The following NBEA variants were observed in gnomAD, a reference collection of about 807,000 sequenced individuals.
NBEA encodes the protein lysosomal-trafficking regulator 2.
In NBEA, 44 loss-of-function variants were observed where a neutral mutation model predicts 343.4. The observed-to-expected ratio is 0.13, with a 90% confidence interval of 0.10 to 0.16. The LOEUF is 0.16. NBEA is among the 10% of genes least tolerant of loss of function. NBEA has a pLI of 1.00. For synonymous variants in NBEA, 1,175 were observed against 1,238.7 expected, an observed-to-expected ratio of 0.95 and a Z score of 1.08; for missense variants, 2,555 against 3,631.3, an observed-to-expected ratio of 0.70 and a Z score of 7.62.
chr13:35,637,455 A>G (rs557893643), intron 49 of NBEA, among the ~76,000 whole-genome samples: 1 of 152,272 alleles, frequency 6.6e-6, no homozygotes, highest in South Asian at 2.1e-4. Context: ...CCGGATATAT[A>G]TCCAAAAGAA....
chr13:35,318,135 A>G (rs566988376), intron 36 of NBEA, among the ~76,000 whole-genome samples: 7 of 152,242 alleles, frequency 4.6e-5, no homozygotes, highest in South Asian at 2.1e-4. Context: ...TTCTGATACT[A>G]TGTTGAAGAG....
At chr13:35,232,900 T>C (rs1379657236) in intron 34 of NBEA, among the ~76,000 whole-genome samples, 1 of 152,084 alleles carries the variant, frequency 6.6e-6, no homozygotes, top group Non-Finnish European at 1.5e-5. Flanking sequence ...GGCTGATGTA[T>C]ATCCTGTCAT....
intron 34 of NBEA, among the ~76,000 whole-genome samples, chr13:35,238,570 A>G (rs1229543637): frequency 1.3e-5 from 2 of 152,128 alleles, no homozygotes; most frequent in African/African-American, 4.8e-5. Flanking sequence ...ATCAACAGAG[A>G]ATCTGAATGG....
chr13:35,138,406 T>A (rs1199977494), intron 17 of NBEA, among the ~76,000 whole-genome samples: 1 of 151,886 alleles, frequency 6.6e-6, no homozygotes, highest in Non-Finnish European at 1.5e-5. Flanking sequence ...TAGAAAAAAA[T>A]TGGAAATTAC....
chr13:35,173,693 G>A (rs2070652258), intron 27 of NBEA, 99 bp downstream of exon 27: 1 of 1,181,560 alleles, frequency 8.5e-7, no homozygotes, highest in African/African-American at 1.5e-5. Context: ...CAGTGATAGA[G>A]AGCAAGGACA....
At chr13:35,235,195 A>G (rs1315031423) in intron 34 of NBEA, among the ~76,000 whole-genome samples, 1 of 152,028 alleles carries the variant, frequency 6.6e-6, no homozygotes, top group Non-Finnish European at 1.5e-5. Context: ...TTTGCTTTTA[A>G]TTCTTTTGAT....
At chr13:34,946,603 T>C (rs2059191631) in intron 1 of NBEA, among the ~76,000 whole-genome samples, 1 of 151,724 alleles carries the variant, frequency 6.6e-6, no homozygotes, top group South Asian at 2.1e-4. Flanking sequence ...TTCATGAAAT[T>C]TTTTCATGAA....
chr13:35,013,948 T>C (rs1313617947), intron 1 of NBEA, among the ~76,000 whole-genome samples: 2 of 152,200 alleles, frequency 1.3e-5, no homozygotes, highest in Non-Finnish European at 2.9e-5. Flanking sequence ...ATAATTTCTT[T>C]TTATTTACTC....
intron 10 of NBEA, among the ~76,000 whole-genome samples, chr13:35,087,301 A>G (rs192436032): frequency 2.7e-4 from 41 of 151,986 alleles, no homozygotes; most frequent in Admixed American, 2.2e-3. Context: ...TTTCATGTCT[A>G]TATTTAAAAA....
intron 1 of NBEA, among the ~76,000 whole-genome samples, chr13:34,946,816 A>G (rs186182398): frequency 5.7e-4 from 85 of 148,612 alleles, no homozygotes; most frequent in Middle Eastern, 7.0e-3. Flanking sequence ...CTTATGGATC[A>G]TGGTATTTTT....
chr13:35,250,158 C>T (rs753313330), intron 34 of NBEA, among the ~76,000 whole-genome samples: 8 of 152,096 alleles, frequency 5.3e-5, no homozygotes, highest in Non-Finnish European at 8.8e-5. Flanking sequence ...ATATATTTAA[C>T]ACTACTGAAC....
chr13:35,591,639 A>G (rs1346627708), intron 46 of NBEA, among the ~76,000 whole-genome samples: 1 of 152,036 alleles, frequency 6.6e-6, no homozygotes, highest in African/African-American at 2.4e-5. Flanking sequence ...ACATATTACA[A>G]GTTTACAAAA....
chr13:35,148,104 C>T (rs1289693008), intron 18 of NBEA, among the ~76,000 whole-genome samples: 1 of 152,130 alleles, frequency 6.6e-6, no homozygotes, highest in East Asian at 1.9e-4. Context: ...TTTCCAAACA[C>T]TGGTGGGACC....
intron 22 of NBEA, 33 bp from the exon 23 acceptor site, chr13:35,161,717 T>A: frequency 6.5e-7 from 1 of 1,531,848 alleles, no homozygotes; most frequent in South Asian, 1.2e-5. Flanking sequence ...ATTTCTTTTG[T>A]ATTCCACAAA....
intron 2 of NBEA, 130 bp downstream of exon 2, chr13:35,041,294 A>T: frequency 1.2e-6 from 1 of 813,780 alleles, no homozygotes; most frequent in East Asian, 2.7e-5. Flanking sequence ...AATGTGTGGA[A>T]ATTTTACTTT....
chr13:35,430,588 A>C (rs2152929933), intron 38 of NBEA, among the ~76,000 whole-genome samples: 1 of 152,178 alleles, frequency 6.6e-6, no homozygotes. Context: ...AGGTCTTCAG[A>C]GTCTTCTTAT....
chr13:34,945,773 C>G (rs1325359788), intron 1 of NBEA, among the ~76,000 whole-genome samples: 1 of 151,988 alleles, frequency 6.6e-6, no homozygotes, highest in Non-Finnish European at 1.5e-5. Flanking sequence ...TTTATTTTTT[C>G]TTCCTATGTA....
intron 36 of NBEA, among the ~76,000 whole-genome samples, chr13:35,341,753 T>G (rs536740022): frequency 6.6e-6 from 1 of 152,044 alleles, no homozygotes; most frequent in Admixed American, 6.6e-5. Flanking sequence ...TCACAGAAAT[T>G]GGAACCCTCA....
intron 45 of NBEA, among the ~76,000 whole-genome samples, chr13:35,577,583 C>A (rs937373588): frequency 1.3e-5 from 2 of 151,936 alleles, no homozygotes; most frequent in Admixed American, 6.6e-5. Context: ...GAATATTTTT[C>A]ACTTTGTTAT....
Sources: gnomAD v4.1 joint callset for allele counts (sites outside exome capture counted in the v4.1 genomes callset) on GRCh38, gnomAD v4.1.1 for gene constraint, MANE v1.5 for transcripts, NCBI Gene and HGNC (gene_info 2026-07-23, HGNC 2026-07-21) for gene names.